RBM47: variants seen among roughly 807,000 people sequenced by gnomAD.
RBM47 encodes RNA-binding protein 47.
A neutral mutation model predicts 47.1 loss-of-function variants in RBM47; 21 were observed. The observed-to-expected ratio is 0.45, with a 90% CI of 0.32 to 0.64. RBM47 has a LOEUF of 0.64. Ranked by LOEUF, RBM47 falls within the 30% of genes least tolerant of loss-of-function variation. The probability of loss-of-function intolerance (pLI) is 0.05; values close to 1 mark genes in which losing one functional copy is unlikely to be tolerated. For missense variants in RBM47, 708 were observed against 870.9 expected, an observed-to-expected ratio of 0.81 and a Z score of 2.35; for synonymous variants, 375 against 361.7, an observed-to-expected ratio of 1.04 and a Z score of -0.42.
chr4:40,465,425 C>G (rs1036811347), intron 3 of RBM47, among the ~76,000 whole-genome samples: 1 of 152,074 alleles, frequency 6.6e-6, no homozygotes. Flanking sequence ...CATGGGAGGC[C>G]GAGGAGGGCA....
At chr4:40,501,673 G>A (rs1411329235) in intron 2 of RBM47, among the ~76,000 whole-genome samples, 2 of 152,224 alleles carry the variant, frequency 1.3e-5, no homozygotes, top group Admixed American at 1.3e-4. Flanking sequence ...GGTAGCTCCT[G>A]GACAGAAGAA....
In RBM47 at chr4:40,461,220, T is replaced by C. The variant is rs76312047; in HGVS notation, c.-32+5357A>G. ...ATTTAATTGCTATTCATGTCTCGCG[T>C]ACTCTGTACTTTCACTGAGTGCACT... On this transcript the variant is annotated intron_variant, in intron 3 of 6. Transcript: ENST00000295971. 2.0e-3 allele frequency among the ~76,000 whole-genome samples: 307 copies of C among 152,342 alleles called. 7 individuals are homozygous for C. The East Asian group carries it at 0.052, about 26-fold the overall frequency.
chr4:40,432,230 ACACACACACACAC>A (rs1716266380), intron 6 of RBM47, among the ~76,000 whole-genome samples: 1 of 121,830 alleles, frequency 8.2e-6, no homozygotes, highest in Non-Finnish European at 2.0e-5. Context: ...ACACACACAC[ACACACACACACAC>A]GGGGGTTAAC....
chr4:40,498,054 T>TTTTATATATATATA (rs1553890649), intron 2 of RBM47, among the ~76,000 whole-genome samples: 4 of 109,880 alleles, frequency 3.6e-5, no homozygotes, highest in African/African-American at 1.3e-4. Flanking sequence ...AGTGCTTGTT[T>TTTTATATATATATA]TATATATATA....
intron 2 of RBM47, among the ~76,000 whole-genome samples, chr4:40,497,856 G>A (rs1288919832): frequency 1.3e-5 from 2 of 149,490 alleles, no homozygotes; most frequent in Non-Finnish European, 3.0e-5. Flanking sequence ...GGTGGCACAT[G>A]TCTATGGTTC....
intron 2 of RBM47, among the ~76,000 whole-genome samples, chr4:40,498,670 CAA>C (rs910303039): frequency 0.14 from 8,413 of 62,024 alleles, 219 homozygotes; most frequent in African/African-American, 0.24. Flanking sequence ...GACTCCATCT[CAA>C]AAAAAAAAAA....
intron 1 of RBM47, among the ~76,000 whole-genome samples, chr4:40,571,084 T>C (rs898762908): frequency 6.6e-6 from 1 of 151,924 alleles, no homozygotes; most frequent in Non-Finnish European, 1.5e-5. Flanking sequence ...GGCGTGGTGG[T>C]ACATGCCTGT....
Position 40,424,993 on chromosome 4 carries a change from A to G in RBM47, c.*911T>C, listed in dbSNP as rs1714827702. 6.6e-6 allele frequency: 1 copy of G among 151,460 alleles called. No individual in the cohort carries two copies. The highest frequency in any genetic ancestry group is 6.6e-5 in the Admixed American group (1 of 15,180). 9.4% of individuals were successfully genotyped at this position (151,460 alleles called of 1,614,324 possible). ...TCCCCAACCAAACAAAAAAAAAAAC[A>G]AAAAACAACGAAACAACAAACCCCA... On this transcript the variant is annotated 3_prime_UTR_variant, in exon 7 of 7. Transcript: ENST00000295971.
chr4:40,627,194 C>T (rs563623033), intron 1 of RBM47, among the ~76,000 whole-genome samples: 2 of 152,210 alleles, frequency 1.3e-5, no homozygotes, highest in East Asian at 1.9e-4. Context: ...CTTGGAATCA[C>T]GGTGACAAGC....
intron 1 of RBM47, among the ~76,000 whole-genome samples, chr4:40,612,403 T>C (rs1736342367): frequency 6.6e-6 from 1 of 152,090 alleles, no homozygotes; most frequent in African/African-American, 2.4e-5. Flanking sequence ...TCCCAGCTAC[T>C]TGGGAGGCTG....
chr4:40,592,225 A>G (rs73134418), intron 1 of RBM47, among the ~76,000 whole-genome samples: 1,774 of 150,226 alleles, frequency 0.012, 37 homozygotes, highest in African/African-American at 0.037. Flanking sequence ...TCTTATTTAC[A>G]CCACCTGGTA....
chr4:40,485,943 C>A (rs370890300), intron 2 of RBM47, among the ~76,000 whole-genome samples: 2 of 149,916 alleles, frequency 1.3e-5, no homozygotes, highest in African/African-American at 4.9e-5. Context: ...TGGTGGCATG[C>A]GCCTGTAGTC....
At chr4:40,436,986 T>TC in intron 4 of RBM47, 1 of 389,946 alleles carries the variant, frequency 2.6e-6, no homozygotes, top group Non-Finnish European at 5.1e-6. Flanking sequence ...ATGCCTGTAA[T>TC]CCCAGCACTT....
At chr4:40,483,535 G>T (rs1720697221) in intron 2 of RBM47, among the ~76,000 whole-genome samples, 1 of 152,140 alleles carries the variant, frequency 6.6e-6, no homozygotes, top group Non-Finnish European at 1.5e-5. Flanking sequence ...TGTTTTTTAA[G>T]ATCACTGGTG....
rs74515300 is a variant in RBM47 at position 40,557,760 on chromosome 4, A to C, written c.-239-13254T>G. On this transcript the variant is annotated intron_variant, in intron 1 of 6. Transcript: ENST00000295971. ...GCGAAACCCCACCTTAAAAAAAAAA[A>C]TTGTTGAATGAATGAATGCATGAGT... Among the ~76,000 whole-genome samples, 3 of 147,588 alleles carry C rather than the reference A, an allele frequency of 2.0e-5. No homozygotes were observed. The Admixed American group carries it at 2.0e-4, about 10-fold the overall frequency.
At chr4:40,467,898 CA>C (rs1483651294) in intron 2 of RBM47, among the ~76,000 whole-genome samples, 1 of 152,074 alleles carries the variant, frequency 6.6e-6, no homozygotes, top group African/African-American at 2.4e-5. Flanking sequence ...GTTTCAACAC[CA>C]GACTGGGAAC....
At chr4:40,442,970 G>A (rs1560367634) in intron 3 of RBM47, among the ~76,000 whole-genome samples, 3 of 151,990 alleles carry the variant, frequency 2.0e-5, no homozygotes, top group Non-Finnish European at 2.9e-5. Context: ...CACCGTGCCC[G>A]GCTTATTCAG....
rs778497686 is a variant in RBM47 at position 40,580,619 on chromosome 4, C to T, written c.-239-36113G>A. On this transcript the variant is annotated intron_variant, in intron 1 of 6. Coordinates refer to ENST00000295971, the MANE Select transcript of RBM47 (RefSeq NM_001098634.2). ...TGCATTCACCAGCACGCACTGGCAG[C>T]CGCAGCCACCCGTTCTCTTTCCTTG... 1.3e-5 allele frequency among the ~76,000 whole-genome samples: 2 copies of T among 152,352 alleles called. 1 individual carries two copies. The highest frequency in any genetic ancestry group is 6.8e-3 in the Middle Eastern group (2 of 294).
At chr4:40,571,330 A>G (rs912935889) in intron 1 of RBM47, among the ~76,000 whole-genome samples, 2 of 152,104 alleles carry the variant, frequency 1.3e-5, no homozygotes, top group African/African-American at 4.8e-5. Context: ...TTAGTAAATG[A>G]TAAAAGAGGT....
Sources: allele counts gnomAD v4.1 joint callset (sites outside exome capture counted in the v4.1 genomes callset), GRCh38; gene constraint gnomAD v4.1.1; transcripts MANE v1.5; gene names NCBI Gene and HGNC (gene_info 2026-07-23, HGNC 2026-07-21).